The following SPECC1 variants were observed in gnomAD, a reference collection of about 807,000 sequenced individuals.
The protein encoded by SPECC1 is cytospin-B.
Under a neutral mutation model 104.1 loss-of-function variants are expected in SPECC1, and 62 were observed. The ratio of observed to expected loss-of-function variants is 0.60; its 90% CI spans 0.49 to 0.74. The LOEUF (loss-of-function observed/expected upper bound fraction) is 0.74. Among genes scored for constraint, SPECC1 ranks in the 30% least tolerant of loss-of-function variants. The pLI is 0.00. For missense variants in SPECC1, 1,306 were observed against 1,310.5 expected (o/e 1.00, Z 0.05); for synonymous variants, 513 against 501.6 (o/e 1.02, Z -0.30).
intron 12 of SPECC1, among the ~76,000 whole-genome samples, chr17:20,265,304 G>C (rs1253972110): frequency 3.3e-5 from 5 of 152,120 alleles, no homozygotes; most frequent in African/African-American, 9.7e-5. Context: ...ATAGCCTCCT[G>C]GCTAGTGTTA....
chr17:20,195,843 A>G (rs1170215124), intron 3 of SPECC1, among the ~76,000 whole-genome samples: 1 of 152,226 alleles, frequency 6.6e-6, no homozygotes, highest in South Asian at 2.1e-4. Context: ...TAAACTTTTT[A>G]TAACCCTTTA....
intron 3 of SPECC1, among the ~76,000 whole-genome samples, chr17:20,189,397 A>T (rs185710736): frequency 6.6e-6 from 1 of 152,184 alleles, no homozygotes; most frequent in African/African-American, 2.4e-5. Flanking sequence ...TTCAGTTTCA[A>T]TGGAAATTTG....
chr17:20,197,829 C>T (rs1375441969), intron 3 of SPECC1, among the ~76,000 whole-genome samples: 1 of 152,186 alleles, frequency 6.6e-6, no homozygotes, highest in Non-Finnish European at 1.5e-5. Flanking sequence ...CACCCCTTGA[C>T]ACGGAAAAAG....
chr17:20,190,382 A>G (rs2035581729), intron 3 of SPECC1, among the ~76,000 whole-genome samples: 1 of 136,384 alleles, frequency 7.3e-6, no homozygotes, highest in African/African-American at 2.7e-5. Context: ...GCTTATTATG[A>G]AAAGCAAGAC....
chr17:20,260,348 T>G (rs2039982734), intron 12 of SPECC1, 54 bp downstream of exon 12: 1 of 1,460,936 alleles, frequency 6.8e-7, no homozygotes, highest in Admixed American at 1.8e-5. Flanking sequence ...AGTAGTCCTG[T>G]GCCAATACAT....
At chr17:20,169,722 C>T (rs781374375) in intron 3 of SPECC1, among the ~76,000 whole-genome samples, 2 of 152,062 alleles carry the variant, frequency 1.3e-5, no homozygotes, top group African/African-American at 2.4e-5. Context: ...AGGCTGGTCT[C>T]GAACTCCTGG....
At chr17:20,247,632 T>A (rs2039474389) in intron 9 of SPECC1, among the ~76,000 whole-genome samples, 1 of 152,218 alleles carries the variant, frequency 6.6e-6, no homozygotes, top group South Asian at 2.1e-4. Context: ...TTTTCAAATT[T>A]TAATATTTGC....
intron 13 of SPECC1, among the ~76,000 whole-genome samples, chr17:20,304,287 C>T (rs2041690245): frequency 6.6e-6 from 1 of 151,942 alleles, no homozygotes; most frequent in South Asian, 2.1e-4. Context: ...GAGATTCCAT[C>T]TCAAAAAAAG....
At chr17:20,083,679 AC>A (rs1359855419) in intron 1 of SPECC1, among the ~76,000 whole-genome samples, 1 of 152,194 alleles carries the variant, frequency 6.6e-6, no homozygotes, top group Non-Finnish European at 1.5e-5. Context: ...TTTTGCTGTT[AC>A]GAAATCAAGC....
intron 3 of SPECC1, among the ~76,000 whole-genome samples, chr17:20,125,264 A>G (rs1406385045): frequency 1.3e-5 from 2 of 152,214 alleles, no homozygotes; most frequent in Non-Finnish European, 1.5e-5. Flanking sequence ...GAAAAGCAGA[A>G]TGGTTGTCTG....
intron 1 of SPECC1, among the ~76,000 whole-genome samples, chr17:20,082,475 T>G (rs1338522905): frequency 1.3e-5 from 2 of 152,024 alleles, no homozygotes; most frequent in Non-Finnish European, 2.9e-5. Flanking sequence ...GGTGCGCACC[T>G]TGTCCCAGCT....
chr17:20,310,359 G>A (rs575211681), intron 14 of SPECC1, among the ~76,000 whole-genome samples: 150 of 152,256 alleles, frequency 9.9e-4, no homozygotes, highest in Non-Finnish European at 3.2e-4. Context: ...CACCAAGAGT[G>A]TATTCCCTTT....
chr17:20,237,048 TCTG>T, intron 7 of SPECC1: 1 of 1,476,624 alleles, frequency 6.8e-7, no homozygotes, highest in Non-Finnish European at 8.9e-7. Flanking sequence ...CCGTCGAGTC[TCTG>T]CTTTTTGTCC....
chr17:20,082,300 A>G (rs1567829878), intron 1 of SPECC1, among the ~76,000 whole-genome samples: 1 of 152,324 alleles, frequency 6.6e-6, no homozygotes, highest in South Asian at 2.1e-4. Context: ...AACAAAAGAC[A>G]TTAATTTTCT....
chr17:20,076,929 T>C (rs1378341232), intron 1 of SPECC1, among the ~76,000 whole-genome samples: 1 of 152,250 alleles, frequency 6.6e-6, no homozygotes, highest in East Asian at 1.9e-4. Context: ...TGCATTTCTT[T>C]TAATACAGCT....
At chr17:20,124,302 T>G (rs1277984596) in intron 3 of SPECC1, among the ~76,000 whole-genome samples, 1 of 151,998 alleles carries the variant, frequency 6.6e-6, no homozygotes, top group Admixed American at 6.6e-5. Context: ...ACCTTCAGTT[T>G]GGGAAATGTG....
At chr17:20,077,531 A>T (rs1157731957) in intron 1 of SPECC1, among the ~76,000 whole-genome samples, 1 of 151,854 alleles carries the variant, frequency 6.6e-6, no homozygotes, top group Non-Finnish European at 1.5e-5. Flanking sequence ...CAGTGGTACA[A>T]TCTCGTCTCA....
intron 12 of SPECC1, among the ~76,000 whole-genome samples, chr17:20,284,129 T>A (rs189936052): frequency 1.9e-4 from 29 of 152,304 alleles, no homozygotes; most frequent in Non-Finnish European, 4.0e-4. Flanking sequence ...CTGGAACTCA[T>A]CTCTAGGAAA....
At chr17:20,057,625 G>A (rs2046018973) in intron 1 of SPECC1, 1 of 152,128 alleles carries the variant, frequency 6.6e-6, no homozygotes, top group African/African-American at 2.4e-5. Flanking sequence ...AGAGTAGCTG[G>A]GATTACAAGC....
Sources: gnomAD v4.1 joint callset for allele counts (sites outside exome capture counted in the v4.1 genomes callset) on GRCh38, gnomAD v4.1.1 for gene constraint, MANE v1.5 for transcripts, NCBI Gene and HGNC (gene_info 2026-07-23, HGNC 2026-07-21) for gene names.